Variants in SPNS2 observed in about 807,000 individuals in gnomAD.
SPNS2 encodes the protein SPNS lysolipid transporter 2, sphingosine-1-phosphate.
In SPNS2, 37 loss-of-function variants were observed where a neutral mutation model predicts 57.6. The ratio of observed to expected loss-of-function variants is 0.64; its 90% CI spans 0.49 to 0.85. The LOEUF (loss-of-function observed/expected upper bound fraction) is 0.85. Ranked by LOEUF, SPNS2 falls within the 40% of genes least tolerant of loss-of-function variation. The probability of loss-of-function intolerance (pLI) is 0.00; values close to 1 mark genes in which losing one functional copy is unlikely to be tolerated. For missense variants in SPNS2, 831 were observed against 779.1 expected, an observed-to-expected ratio of 1.07 and a Z score of -0.79; for synonymous variants, 440 against 346.9, an observed-to-expected ratio of 1.27 and a Z score of -2.98.
Position 4,536,354 on chromosome 17 carries a change from T to C in SPNS2, c.1535T>C (p.Val512Ala), listed in dbSNP as rs1285577730. 3.7e-6 allele frequency: 6 copies of C among 1,610,762 alleles called. No homozygotes were observed. Among genetic ancestry groups the C allele is most frequent in the African/African-American group, 1.3e-5 (1 of 74,916 alleles). Residue 512 changes from valine to alanine, a missense_variant, in exon 11 of 13, where the codon GTG becomes GCG. Around this residue, in one of 2 missense-constraint regions of SPNS2, gnomAD observed 526 missense variants for 400.9 expected, o/e 1.31. Transcript: ENST00000329078. ...GYALMLCPFV[V>A]VLGGMFFLAT... ...GCGCTCATGCTCTGCCCTTTCGTCGTGGTCCTGGGCGGCATGTTCTTCCTC... is the reference window on the plus strand; with the variant it reads ...GCGCTCATGCTCTGCCCTTTCGTCGCGGTCCTGGGCGGCATGTTCTTCCTC...
In SPNS2 at chr17:4,536,171, C is replaced by T. The variant is rs897885097; in HGVS notation, c.1440C>T (p.Gly480=). The T allele has an allele frequency of 6.2e-7, 1 of 1,611,512 alleles. No homozygotes were observed. Among genetic ancestry groups the T allele is most frequent in the African/African-American group, 1.3e-5 (1 of 74,868 alleles). Reference sequence around the variant, plus strand: ...ACGCCGGGAGCCCCTACCTCATTGGCTTTGTGAGTAGCCCCGGGGTGGGGC... The same window carrying T: ...ACGCCGGGAGCCCCTACCTCATTGGTTTTGTGAGTAGCCCCGGGGTGGGGC... ...LGDAGSPYLI[G]FISDLIRQST... is the part of the protein sequence containing the mutation. The change falls in exon 10 of 13, where the codon GGC becomes GGT. Residue 480 remains glycine, a synonymous_variant. Coordinates refer to ENST00000329078, the MANE Select transcript of SPNS2 (RefSeq NM_001124758.3).
intron 9 of SPNS2, chr17:4,534,271 C>T: frequency 3.9e-6 from 1 of 256,262 alleles, no homozygotes; most frequent in Admixed American, 4.7e-5. Flanking sequence ...AGGCTGTCTT[C>T]ACAGGGCCAA....
chr17:4,499,375 T>C lies in SPNS2; in HGVS notation c.328T>C (p.Leu110=). The change falls in exon 1 of 13, where the codon TTG becomes CTG. Residue 110 remains leucine (L), a synonymous_variant. Coordinates refer to ENST00000329078, the MANE Select transcript of SPNS2 (RefSeq NM_001124758.3). This position sits in a 1 kb window ranked among gnomAD's most constrained non-coding sequence, Gnocchi z 5.2. ...GRGAAAAILS[L]GNVLNYLDRY... is the part of the protein sequence containing the mutation. ...GGGGGCAGCCGCCGCCATCCTCAGC[T>C]TGGGCAACGTGCTCAACTACCTGGA... is the stretch of plus-strand genomic sequence containing the variant. 1 of 1,406,364 alleles carries C rather than the reference T, an allele frequency of 7.1e-7. No individual in the cohort carries two copies. The highest frequency in any genetic ancestry group is 9.2e-7 in the Non-Finnish European group (1 of 1,083,278). 87.1% of individuals were successfully genotyped at this position (1,406,364 alleles called of 1,614,324 possible). A position where few individuals can be genotyped will look rare whatever the true frequency, so the allele number is the denominator to read the frequency against.
chr17:4,527,773 G>A (rs1905298999), intron 3 of SPNS2, among the ~76,000 whole-genome samples: 3 of 152,274 alleles, frequency 2.0e-5, no homozygotes, highest in African/African-American at 4.8e-5. Flanking sequence ...TGGGGAATCG[G>A]GGACTCCAGC....
At chr17:4,515,895 A>G (rs908479196) in intron 2 of SPNS2, among the ~76,000 whole-genome samples, 2 of 152,212 alleles carry the variant, frequency 1.3e-5, no homozygotes, top group Non-Finnish European at 2.9e-5. Context: ...CAGGCAGGAA[A>G]ACTGCTGAGG....
chr17:4,509,128 G>T (rs1467828400), intron 1 of SPNS2, among the ~76,000 whole-genome samples: 2 of 152,196 alleles, frequency 1.3e-5, no homozygotes, highest in Non-Finnish European at 2.9e-5. Context: ...TACAGGGTCC[G>T]CTCAGGGAAT....
intron 4 of SPNS2, 135 bp downstream of exon 4, chr17:4,530,918 T>C: frequency 6.8e-7 from 1 of 1,470,714 alleles, no homozygotes; most frequent in Non-Finnish European, 9.2e-7. Flanking sequence ...GGTCAGCCTT[T>C]GAGAATCTCC....
At chr17:4,535,347 T>C (rs1364222566) in intron 9 of SPNS2, among the ~76,000 whole-genome samples, 2 of 152,196 alleles carry the variant, frequency 1.3e-5, no homozygotes, top group African/African-American at 4.8e-5. Flanking sequence ...CACCAGCTCC[T>C]GTCCCAGGCC....
rs114110265 is a variant in SPNS2, at chr17:4,534,163, C to T, written c.1344+310C>T. 4.8e-3 allele frequency among the ~76,000 whole-genome samples: 734 copies of T among 152,274 alleles called. 8 individuals carry two copies. The highest frequency in any genetic ancestry group is 0.016 in the African/African-American group (679 of 41,542). On this transcript the variant is annotated intron_variant, in intron 9 of 12. Transcript: ENST00000329078. Reference sequence around the variant, plus strand: ...TGGCACTGAGGTGGCGCTGCCTGCCCGCCCTCCTCCCCCCGCTGGGTCTGA... The same window carrying T: ...TGGCACTGAGGTGGCGCTGCCTGCCTGCCCTCCTCCCCCCGCTGGGTCTGA...
intron 3 of SPNS2, among the ~76,000 whole-genome samples, 183 bp downstream of exon 3, chr17:4,525,376 T>C (rs1905240389): frequency 6.6e-6 from 1 of 152,260 alleles, no homozygotes; most frequent in South Asian, 2.1e-4. Context: ...GCCCTGCGGC[T>C]GGGGCCTTCC....
intron 1 of SPNS2, among the ~76,000 whole-genome samples, chr17:4,501,626 C>T (rs1904517405): frequency 6.6e-6 from 1 of 152,096 alleles, no homozygotes; most frequent in African/African-American, 2.4e-5. Context: ...CCTGGTTGCC[C>T]CTCTCTCTAT....
At chr17:4,534,740 C>T (rs867297047) in intron 9 of SPNS2, among the ~76,000 whole-genome samples, 14 of 151,960 alleles carry the variant, frequency 9.2e-5, no homozygotes, top group African/African-American at 2.4e-4. Flanking sequence ...GGAGGCCTGG[C>T]GCAGTTCAGA....
At chr17:4,517,894 T>C (rs1294748808) in intron 2 of SPNS2, among the ~76,000 whole-genome samples, 1 of 152,212 alleles carries the variant, frequency 6.6e-6, no homozygotes, top group Non-Finnish European at 1.5e-5. Context: ...GAAAAATATG[T>C]ATTAAAATAA....
intron 3 of SPNS2, among the ~76,000 whole-genome samples, chr17:4,526,236 A>T (rs563827510): frequency 6.6e-6 from 1 of 152,214 alleles, no homozygotes; most frequent in Non-Finnish European, 1.5e-5. Context: ...CTGTGAGATC[A>T]GGCCTTTTGG....
chr17:4,512,404 T>C lies in SPNS2; in HGVS notation c.371-843T>C, dbSNP rs747941864. Among the ~76,000 whole-genome samples the C allele has an allele frequency of 2.6e-5, 4 of 151,988 alleles. No homozygotes were observed. The highest frequency in any genetic ancestry group is 5.9e-5 in the Non-Finnish European group (4 of 67,978). On this transcript the variant is annotated intron_variant, in intron 1 of 12. Transcript: ENST00000329078. This position sits in a 1 kb window ranked among gnomAD's most constrained non-coding sequence, Gnocchi z 5.2. The stretch of plus-strand genomic sequence containing the variant: ...GCCTGTCCCCCAGAAGCCATGGCTC[T>C]GCCAGTCTGCTGGGGCTGTGGGTGG...
chr17:4,520,431 C>T (rs1045489137), intron 2 of SPNS2, among the ~76,000 whole-genome samples: 6 of 152,182 alleles, frequency 3.9e-5, no homozygotes, highest in Admixed American at 2.0e-4. Flanking sequence ...CACGTCCCTC[C>T]AGTCCCTCGT....
chr17:4,529,597 G>C (rs980036711), intron 3 of SPNS2, among the ~76,000 whole-genome samples: 4 of 152,012 alleles, frequency 2.6e-5, no homozygotes, highest in African/African-American at 9.7e-5. Flanking sequence ...GCTTGAACCC[G>C]GGGGGCAGAG....
intron 5 of SPNS2, among the ~76,000 whole-genome samples, chr17:4,532,184 ATCCC>A (rs1905514883): frequency 1.3e-5 from 2 of 151,848 alleles, no homozygotes; most frequent in East Asian, 3.9e-4. Context: ...CTATCCGTCC[ATCCC>A]TCCATCTATC....
intron 10 of SPNS2, 40 bp downstream of exon 10, chr17:4,536,214 G>A: frequency 1.2e-6 from 2 of 1,608,752 alleles, no homozygotes; most frequent in East Asian, 2.2e-5. Flanking sequence ...GGCAGGCTGG[G>A]GGACTGCAGG....
Sources: allele counts gnomAD v4.1 joint callset (sites outside exome capture counted in the v4.1 genomes callset), GRCh38; gene constraint gnomAD v4.1.1; regional missense constraint gnomAD v4.1.1; non-coding constraint Gnocchi (gnomAD v3.1); transcripts MANE v1.5; gene names NCBI Gene and HGNC (gene_info 2026-07-23, HGNC 2026-07-21).